Variants in KCNJ16 observed in about 807,000 individuals in gnomAD.
KCNJ16 encodes potassium inwardly rectifying channel subfamily J member 16.
KCNJ16 carries 15 observed loss-of-function variants against 18.5 expected under a neutral mutation model. The ratio of observed to expected loss-of-function variants is 0.81; its 90% CI spans 0.54 to 1.25. The LOEUF is 1.25. KCNJ16 is among the 50% of genes most tolerant of loss of function. KCNJ16 has a pLI of 0.00. For missense variants in KCNJ16, 523 were observed against 525.7 expected (o/e 0.99, Z 0.05); for synonymous variants, 174 against 186.5 (o/e 0.93, Z 0.55).
intron 2 of KCNJ16, among the ~76,000 whole-genome samples, chr17:70,129,066 G>A (rs1207718704): frequency 6.6e-6 from 1 of 152,184 alleles, no homozygotes; most frequent in Non-Finnish European, 1.5e-5. Context: ...GTGGTCTTGA[G>A]CCTTGGGACT....
At chr17:70,125,650 G>T (rs2073827375) in intron 2 of KCNJ16, among the ~76,000 whole-genome samples, 1 of 152,176 alleles carries the variant, frequency 6.6e-6, no homozygotes, top group Admixed American at 6.6e-5. Context: ...AAAGGAATGG[G>T]CCAGGTGCCG....
chr17:70,095,877 T>C (rs1314207710), intron 1 of KCNJ16, among the ~76,000 whole-genome samples: 9 of 118,398 alleles, frequency 7.6e-5, no homozygotes, highest in South Asian at 3.1e-4. Flanking sequence ...ATCCTTTTTT[T>C]TTTTTTTTTT....
intron 1 of KCNJ16, among the ~76,000 whole-genome samples, chr17:70,086,211 A>T (rs898272992): frequency 1.3e-5 from 2 of 152,240 alleles, no homozygotes; most frequent in African/African-American, 4.8e-5. Flanking sequence ...TTTGTGAGAA[A>T]GTGAAGCAAT....
chr17:70,103,306 A>G (rs1354475181), intron 2 of KCNJ16, among the ~76,000 whole-genome samples: 187 of 13,826 alleles, frequency 0.014, no homozygotes, highest in East Asian at 0.023. Flanking sequence ...GTATATATAT[A>G]TATATATATA....
intron 2 of KCNJ16, among the ~76,000 whole-genome samples, chr17:70,112,377 A>G (rs1475413466): frequency 6.7e-6 from 1 of 149,138 alleles, no homozygotes; most frequent in Non-Finnish European, 1.5e-5. Context: ...TTTTTTTTTA[A>G]TGAGGGCATC....
intron 1 of KCNJ16, among the ~76,000 whole-genome samples, chr17:70,086,664 GA>G (rs1228044206): frequency 2.0e-5 from 3 of 152,144 alleles, no homozygotes; most frequent in Non-Finnish European, 4.4e-5. Context: ...CATTCATGTT[GA>G]GGATGACTGG....
At chr17:70,089,997 A>G (rs6501365) in intron 1 of KCNJ16, among the ~76,000 whole-genome samples, 145,993 of 152,346 alleles carry the variant, frequency 0.96, 69,993 homozygotes, top group East Asian at 1. Flanking sequence ...TCCAGCCTCA[A>G]CTGTCTCACT....
intron 2 of KCNJ16, among the ~76,000 whole-genome samples, chr17:70,121,035 T>C (rs1567801468): frequency 1.3e-5 from 2 of 152,122 alleles, no homozygotes; most frequent in East Asian, 1.9e-4. Context: ...ATGGGGTCCA[T>C]AGAAGAAGAG....
chr17:70,111,662 C>T lies in KCNJ16; in HGVS notation c.-191+10896C>T, dbSNP rs564817315. Among the ~76,000 whole-genome samples the T allele has an allele frequency of 6.7e-4, 102 of 152,132 alleles. 3 individuals carry two copies. The South Asian group carries it at 0.021, about 31-fold the overall frequency. Reference sequence around the variant, plus strand: ...CCAAATCTCATCTTCAGTTGTAGCTCCCATAATTCCCATGTGTGTGGGAGG... The same window carrying T: ...CCAAATCTCATCTTCAGTTGTAGCTTCCATAATTCCCATGTGTGTGGGAGG... On this transcript the variant is annotated intron_variant, in intron 2 of 3. Transcript: ENST00000392671.
chr17:70,103,951 T>TC (rs1399087458), intron 2 of KCNJ16, among the ~76,000 whole-genome samples: 1 of 150,604 alleles, frequency 6.6e-6, no homozygotes, highest in Admixed American at 6.6e-5. Flanking sequence ...TTTTTTTTTT[T>TC]TTGAGACAGG....
At chr17:70,109,366 TTC>T (rs930582848) in intron 2 of KCNJ16, among the ~76,000 whole-genome samples, 1 of 152,122 alleles carries the variant, frequency 6.6e-6, no homozygotes, top group Non-Finnish European at 1.5e-5. Flanking sequence ...TAAGAAGTGT[TTC>T]TCTCTGGCTG....
At chr17:70,097,848 T>C (rs1215062797) in intron 1 of KCNJ16, among the ~76,000 whole-genome samples, 2 of 152,168 alleles carry the variant, frequency 1.3e-5, no homozygotes, top group Non-Finnish European at 2.9e-5. Flanking sequence ...TTCTAATTAT[T>C]GTTGATTCTG....
At chr17:70,126,094 T>A (rs1250942948) in intron 2 of KCNJ16, among the ~76,000 whole-genome samples, 1 of 152,192 alleles carries the variant, frequency 6.6e-6, no homozygotes, top group South Asian at 2.1e-4. Context: ...ATGGGGGAGA[T>A]GTGCTTTACT....
intron 2 of KCNJ16, chr17:70,101,690 C>T (rs972022786): frequency 2.6e-4 from 39 of 152,210 alleles, no homozygotes; most frequent in African/African-American, 9.4e-4. Context: ...AACAATTCTC[C>T]TGCCTCAGCT....
chr17:70,121,030 G>A (rs767011906), intron 2 of KCNJ16, among the ~76,000 whole-genome samples: 18 of 152,138 alleles, frequency 1.2e-4, no homozygotes, highest in Non-Finnish European at 2.4e-4. Context: ...AGATGATGGG[G>A]TCCATAGAAG....
At chr17:70,099,829 A>T (rs1200511520) in intron 1 of KCNJ16, among the ~76,000 whole-genome samples, 1 of 152,220 alleles carries the variant, frequency 6.6e-6, no homozygotes, top group Non-Finnish European at 1.5e-5. Context: ...TTTTAAAATG[A>T]TATGATGATC....
At chr17:70,105,074 A>C (rs2072854908) in intron 2 of KCNJ16, 1 of 152,532 alleles carries the variant, frequency 6.6e-6, no homozygotes, top group East Asian at 1.9e-4. Flanking sequence ...TCTTTCACTA[A>C]GGTAAGATCG....
At chr17:70,105,038 A>T (rs1439351791) in intron 2 of KCNJ16, 1 of 152,618 alleles carries the variant, frequency 6.6e-6, no homozygotes. Context: ...TGAAAAGGAC[A>T]TGGGGTTCAG....
intron 2 of KCNJ16, among the ~76,000 whole-genome samples, chr17:70,114,483 C>A (rs535363256): frequency 6.6e-6 from 1 of 152,232 alleles, no homozygotes; most frequent in Non-Finnish European, 1.5e-5. Context: ...TTTTGAAATG[C>A]ACAGTTAGGT....
Sources: gnomAD v4.1 joint callset for allele counts (sites outside exome capture counted in the v4.1 genomes callset) on GRCh38, gnomAD v4.1.1 for gene constraint, MANE v1.5 for transcripts, NCBI Gene and HGNC (gene_info 2026-07-23, HGNC 2026-07-21) for gene names.